Variants in FAM83H observed in about 807,000 individuals in gnomAD.
FAM83H encodes scaffolding CK1 anchoring protein H, also known as protein FAM83H.
A neutral mutation model predicts 30.2 loss-of-function variants in FAM83H; 24 were observed. The ratio of observed to expected loss-of-function variants is 0.79; its 90% confidence interval spans 0.57 to 1.12. FAM83H has a LOEUF of 1.12. Ranked by LOEUF, FAM83H falls within the 50% of genes most tolerant of loss-of-function variation. FAM83H has a pLI of 0.00. For missense variants in FAM83H, 2,038 were observed against 1,773.9 expected, an observed-to-expected ratio of 1.15 and a Z score of -2.67; for synonymous variants, 1,013 against 821.7, an observed-to-expected ratio of 1.23 and a Z score of -3.98.
chr8:143,732,379 T>C, intron 1 of FAM83H: 5 of 985,330 alleles, frequency 5.1e-6, no homozygotes, highest in Non-Finnish European at 6.0e-6. Context: ...GGTGTAGGCC[T>C]GTCTGGCTGG....
In FAM83H at chr8:143,725,286, C is replaced by T. The variant is rs4072459; in HGVS notation, c.*635G>A. The T allele has an allele frequency of 0.67, 102,242 of 153,272 alleles. 35,834 individuals are homozygous for T. The highest frequency in any genetic ancestry group is 0.78 in the Non-Finnish European group (54,078 of 69,060). 9.5% of individuals were successfully genotyped at this position (153,272 alleles called of 1,614,324 possible). ...AGAATGAGGAATTGAGGCACAGAGG[C>T]GAGACCCTTGCAAGAGGATAGGGGA... On this transcript the variant is annotated 3_prime_UTR_variant, in exon 5 of 5. Transcript: ENST00000388913.
chr8:143,728,507 G>C lies in FAM83H; in HGVS notation c.954C>G (p.Thr318=). 1.3e-6 allele frequency: 2 copies of C among 1,557,396 alleles called. No individual in the cohort carries two copies. The highest frequency in any genetic ancestry group is 8.7e-7 in the Non-Finnish European group (1 of 1,150,694). Residue 318 remains threonine (T), a synonymous_variant, in exon 5 of 5, where the codon ACC becomes ACG. Transcript: ENST00000388913. ...GCGCTCGTTTAGGGAAGGAGAAGGGGGTTGGCGCCCCGACCCCAGGGACGC... is the reference window on the plus strand; with the variant it reads ...GCGCTCGTTTAGGGAAGGAGAAGGGCGTTGGCGCCCCGACCCCAGGGACGC... The part of the protein sequence containing the change: ...LVGVPGVGAP[T]PFSFPKRAHL...
In FAM83H at chr8:143,727,730, C is replaced by A; in HGVS notation, c.1731G>T (p.Gly577=). ...ERRGGPEGRA[G]LRRWRLASYL... ...AGGAGGCCAAACGCCAGCGCCGCAGCCCTGCCCGCCCCTCGGGCCCGCCCC... is the reference window on the plus strand; with the variant it reads ...AGGAGGCCAAACGCCAGCGCCGCAGACCTGCCCGCCCCTCGGGCCCGCCCC... The change falls in exon 5 of 5, where the codon GGG becomes GGT. Residue 577 remains glycine (G), a synonymous_variant. Coordinates refer to ENST00000388913, the MANE Select transcript of FAM83H (RefSeq NM_198488.5). The A allele has an allele frequency of 6.6e-7, 1 of 1,526,640 alleles. No homozygotes were observed. The highest frequency in any genetic ancestry group is 8.7e-7 in the Non-Finnish European group (1 of 1,145,058). The allele number at this position is 1,526,640 out of a possible 1,614,324, so 94.6% of individuals were successfully genotyped here. A position where few individuals can be genotyped will look rare whatever the true frequency, so the allele number is the denominator to read the frequency against.
intron 2 of FAM83H, 111 bp from the exon 3 acceptor site, chr8:143,729,434 A>G (rs1554623828): frequency 3.2e-6 from 4 of 1,238,892 alleles, no homozygotes; most frequent in Non-Finnish European, 3.5e-6. Flanking sequence ...CCACTGTGAA[A>G]CAAGCTAGTC....
intron 1 of FAM83H, chr8:143,732,011 A>C: frequency 1.0e-6 from 1 of 985,440 alleles, no homozygotes; most frequent in Non-Finnish European, 1.2e-6. Flanking sequence ...CCCGCCTAGC[A>C]CACAGGTTCC....
In FAM83H at chr8:143,726,678, G is replaced by A; in HGVS notation, c.2783C>T (p.Pro928Leu). ...GCTGCCCCTGCGCTCCGGCACGGGG[G>A]GCACCGGACTGCTCCTGCGCTCCGG... ...PVPERRSSPV[P>L]PVPERRGSLT... The change falls in exon 5 of 5, where the codon CCC becomes CTC. Residue 928 changes from proline to leucine, a missense_variant. Coordinates refer to ENST00000388913, the MANE Select transcript of FAM83H (RefSeq NM_198488.5). The A allele has an allele frequency of 6.3e-7, 1 of 1,597,096 alleles. No homozygotes were observed. Among genetic ancestry groups the A allele is most frequent in the Non-Finnish European group, 8.5e-7 (1 of 1,176,096 alleles).
chr8:143,726,081 C>A lies in FAM83H; in HGVS notation c.3380G>T (p.Arg1127Leu). The change falls in exon 5 of 5, where the codon CGC becomes CTC. Residue 1127 changes from arginine (R) to leucine (L), a missense_variant. Coordinates refer to ENST00000388913, the MANE Select transcript of FAM83H (RefSeq NM_198488.5). ...GCGGCTGTACACGCGCTTCTCCTTG[C>A]GCATGCTCTCCATGCGGCGCAGCAG... ...DRLLRRMESM[R>L]KEKRVYSRFE... 6.2e-7 allele frequency: 1 copy of A among 1,611,928 alleles called. No individual in the cohort carries two copies. The highest frequency in any genetic ancestry group is 8.5e-7 in the Non-Finnish European group (1 of 1,179,596).
chr8:143,730,571 G>T lies in FAM83H; in HGVS notation c.12C>A (p.Arg4=). Residue 4 remains arginine (R), a synonymous_variant, in exon 2 of 5, where the codon CGC becomes CGA. Coordinates refer to ENST00000388913, the MANE Select transcript of FAM83H (RefSeq NM_198488.5). ...TGTCCCCCTGCGAGGAGCTCTGAGA[G>T]CGACGGGCCATGTTGGGGCCAGGGG... is the stretch of plus-strand genomic sequence containing the variant. MAR[R]SQSSSQGDNP... is the part of the protein sequence containing the mutation. 1 of 1,550,874 alleles carries T rather than the reference G, an allele frequency of 6.4e-7. No individual in the cohort carries two copies.
In FAM83H at chr8:143,726,530, G is replaced by C; in HGVS notation, c.2931C>G (p.Gly977=). The C allele has an allele frequency of 6.2e-7, 1 of 1,605,678 alleles. No homozygotes were observed. The highest frequency in any genetic ancestry group is 8.5e-7 in the Non-Finnish European group (1 of 1,179,776). The part of the protein sequence containing the change: ...LRLRQLLSPK[G]ERRMEDEGGF... ...CACCCTCATCCTCCATGCGCCGCTC[G>C]CCCTTGGGGCTCAGCAGCTGCCTAA... Residue 977 remains glycine (G), a synonymous_variant, in exon 5 of 5, where the codon GGC becomes GGG. Coordinates refer to ENST00000388913, the MANE Select transcript of FAM83H (RefSeq NM_198488.5).
In FAM83H at chr8:143,727,079, G is replaced by A. The variant is rs782812911; in HGVS notation, c.2382C>T (p.Arg794=). Residue 794 remains arginine, a synonymous_variant, in exon 5 of 5, where the codon CGC becomes CGT. Transcript: ENST00000388913. ...RSLESCLLDL[R]DSFAQQLHQE... is the part of the protein sequence containing the mutation. The stretch of plus-strand genomic sequence containing the variant: ...GGTGCAGCTGCTGTGCAAAGGAGTC[G>A]CGCAGGTCCAGCAGGCAGCTCTCGA... The A allele has an allele frequency of 1.3e-6, 2 of 1,545,550 alleles. No individual in the cohort carries two copies. The highest frequency in any genetic ancestry group is 1.7e-6 in the Non-Finnish European group (2 of 1,152,394).
Position 143,727,183 on chromosome 8 carries a change from G to A in FAM83H, c.2278C>T (p.His760Tyr), listed in dbSNP as rs1563758323. ...GCCTGGGACACGACGGCCTTGCTGT[G>A]GCTGGCAACGGTGATGGCGCCCGCG... ...GGAGAITVASHSKAVVSQAWR... is the reference protein window; with the variant it reads ...GGAGAITVASYSKAVVSQAWR... Residue 760 changes from histidine (H) to tyrosine (Y), a missense_variant, in exon 5 of 5, where the codon CAC (histidine) becomes TAC (tyrosine). By Grantham distance (83) the His-to-Tyr change is moderately conservative. Transcript: ENST00000388913. The A allele has an allele frequency of 6.5e-7, 1 of 1,533,626 alleles. No individual in the cohort carries two copies. The highest frequency in any genetic ancestry group is 8.7e-7 in the Non-Finnish European group (1 of 1,145,514).
rs1368656097 is a variant in FAM83H, at chr8:143,727,491, G to A, written c.1970C>T (p.Pro657Leu). ...CTGCTTGGCCAGGCCAGGCTCCTCC[G>A]GGCCCTCGCGCTCTGGGCCGTTGCC... Reference protein sequence around the residue: ...SGGNGPEREGPEEPGLAKQDS... With the variant: ...SGGNGPEREGLEEPGLAKQDS... The change falls in exon 5 of 5, where the codon CCG becomes CTG. Residue 657 changes from proline (P) to leucine (L), a missense_variant. By Grantham distance (98) the Pro-to-Leu change is moderately conservative (BLOSUM62 -3). Transcript: ENST00000388913. The A allele has an allele frequency of 7.0e-6, 11 of 1,568,924 alleles. No homozygotes were observed. Among genetic ancestry groups the A allele is most frequent in the Admixed American group, 1.8e-5 (1 of 55,314 alleles).
rs558523276 is a variant in FAM83H, at chr8:143,727,781, G to C, written c.1680C>G (p.Pro560=). 15 of 1,438,958 alleles carry C rather than the reference G, an allele frequency of 1.0e-5. No homozygotes were observed. Among genetic ancestry groups the C allele is most frequent in the Admixed American group, 5.6e-5 (2 of 35,916 alleles). 89.1% of individuals were successfully genotyped at this position (1,438,958 alleles called of 1,614,324 possible). A position where few individuals can be genotyped will look rare whatever the true frequency, so the allele number is the denominator to read the frequency against. Residue 560 remains proline, a synonymous_variant, in exon 5 of 5, where the codon CCC becomes CCG. Transcript: ENST00000388913. ...TGCGCTCCGGCTCCGCCTCGGGAGCGGGGTCTGGGCCCGGCCTCGCCGCGG... is the reference window on the plus strand; with the variant it reads ...TGCGCTCCGGCTCCGCCTCGGGAGCCGGGTCTGGGCCCGGCCTCGCCGCGG... The part of the protein sequence containing the change: ...CQAAARPGPD[P]APEAEPERRG...
Position 143,730,668 on chromosome 8 carries a change from C to A in FAM83H, c.-15-71G>T, listed in dbSNP as rs1434993757. Reference sequence around the variant, plus strand: ...CCACTCCTACCCTCGAGCATGGACACACTGTGGAAAGGGCCGTCAGTGACT... The same window carrying A: ...CCACTCCTACCCTCGAGCATGGACAAACTGTGGAAAGGGCCGTCAGTGACT... On this transcript the variant is annotated intron_variant, in intron 1 of 4. Transcript: ENST00000388913. 3.5e-6 allele frequency: 4 copies of A among 1,139,514 alleles called. No homozygotes were observed. The African/African-American group carries it at 4.7e-5, about 13-fold the overall frequency. The allele number at this position is 1,139,514 out of a possible 1,614,324, so 70.6% of individuals were successfully genotyped here. A position where few individuals can be genotyped will look rare whatever the true frequency, so the allele number is the denominator to read the frequency against.
In FAM83H at chr8:143,726,548, C is replaced by T. The variant is rs781928465; in HGVS notation, c.2913G>A (p.Gln971=). ...GCCGCTCGCCCTTGGGGCTCAGCAGCTGCCTAAGACGCAAGGAGCCTTTGC... is the reference window on the plus strand; with the variant it reads ...GCCGCTCGCCCTTGGGGCTCAGCAGTTGCCTAAGACGCAAGGAGCCTTTGC... ...VLRKGSLRLR[Q]LLSPKGERRM... is the part of the protein sequence containing the mutation. The change falls in exon 5 of 5, where the codon CAG becomes CAA. Residue 971 remains glutamine, a synonymous_variant. Coordinates refer to ENST00000388913, the MANE Select transcript of FAM83H (RefSeq NM_198488.5). 3 of 1,603,906 alleles carry T rather than the reference C, an allele frequency of 1.9e-6. No homozygotes were observed. The highest frequency in any genetic ancestry group is 2.5e-6 in the Non-Finnish European group (3 of 1,178,868).
Position 143,733,516 on chromosome 8 carries a change from G to A in FAM83H, c.-16+175C>T, listed in dbSNP as rs1818607681. Among the ~76,000 whole-genome samples, 1 of 151,884 alleles carries A rather than the reference G, an allele frequency of 6.6e-6. No homozygotes were observed. The highest frequency in any genetic ancestry group is 2.1e-4 in the South Asian group (1 of 4,832). On this transcript the variant is annotated intron_variant, in intron 1 of 4. Transcript: ENST00000388913. The surrounding 1 kb of genome is among the most constrained non-coding windows in gnomAD (Gnocchi z 5.6). Reference sequence around the variant, plus strand: ...CACAGCGGCGCCCCCTGTCCGAGCAGCCCCGCCACCCCGGCCCCGCGCACG... The same window carrying A: ...CACAGCGGCGCCCCCTGTCCGAGCAACCCCGCCACCCCGGCCCCGCGCACG...
intron 1 of FAM83H, chr8:143,732,079 G>A (rs1554624662): frequency 4.1e-6 from 4 of 985,308 alleles, no homozygotes; most frequent in African/African-American, 1.7e-5. Flanking sequence ...GGCGCTGACA[G>A]GATGGATGCC....
intron 2 of FAM83H, among the ~76,000 whole-genome samples, chr8:143,729,901 C>T (rs1357327087): frequency 6.6e-6 from 1 of 152,166 alleles, no homozygotes; most frequent in East Asian, 1.9e-4. Flanking sequence ...CCCACCCATC[C>T]CCAGAGCCCC....
intron 1 of FAM83H, chr8:143,731,357 G>C (rs1818514883): frequency 2.1e-5 from 21 of 985,260 alleles, no homozygotes; most frequent in Non-Finnish European, 2.5e-5. Flanking sequence ...ACAGCTGAGG[G>C]TCCACATGAC....
Sources: allele counts gnomAD v4.1 joint callset (sites outside exome capture counted in the v4.1 genomes callset), GRCh38; gene constraint gnomAD v4.1.1; non-coding constraint Gnocchi (gnomAD v3.1); transcripts MANE v1.5; gene names NCBI Gene and HGNC (gene_info 2026-07-23, HGNC 2026-07-21).